The following STS variants were observed in gnomAD, a reference collection of about 807,000 sequenced individuals.
STS encodes steroid sulfatase.
In STS, 7 loss-of-function variants were observed where a neutral mutation model predicts 26.8. That is an observed-to-expected ratio of 0.26 (90% CI 0.15 to 0.49). The LOEUF (loss-of-function observed/expected upper bound fraction) is 0.49, where lower values mean the gene tolerates loss of function less well. Ranked by LOEUF, STS falls within the 20% of genes least tolerant of loss-of-function variation. The pLI is 0.98. For missense variants in STS, 434 were observed against 465.6 expected (o/e 0.93, Z 0.63); for synonymous variants, 199 against 189.4 (o/e 1.05, Z -0.42).
intron 2 of STS, among the ~76,000 whole-genome samples, chrX:7,251,880 G>T (rs750462054): frequency 1.8e-5 from 2 of 110,998 alleles, no homozygotes; most frequent in South Asian, 7.8e-4. Flanking sequence ...AGAATCGCTT[G>T]AGCCCAGGAG....
intron 10 of STS, among the ~76,000 whole-genome samples, chrX:7,345,969 G>A (rs367807869): frequency 2.7e-5 from 3 of 112,005 alleles, no homozygotes; most frequent in Non-Finnish European, 3.8e-5. Flanking sequence ...TGGCTGAGTC[G>A]CTGTAATACG....
intron 2 of STS, among the ~76,000 whole-genome samples, chrX:7,221,286 A>G (rs762895345): frequency 1.8e-5 from 2 of 112,449 alleles, no homozygotes; most frequent in African/African-American, 3.2e-5. Context: ...TCTGACGCAC[A>G]TGCCATTCCC....
In STS at chrX:7,297,548, T is replaced by A. The variant is rs753991255; in HGVS notation, c.944-7498T>A. Among the ~76,000 whole-genome samples, 294 of 112,120 alleles carry A rather than the reference T, an allele frequency of 2.6e-3. 1 individual carries two copies. Among genetic ancestry groups the A allele is most frequent in the Admixed American group, 7.2e-3 (76 of 10,510 alleles). On this transcript the variant is annotated intron_variant, in intron 7 of 10. Transcript: ENST00000674429. ...AACGATTAGGGATGTCTTCTTAACATGTTTTGAATGAAATTTTTATGTTAA... is the reference window on the plus strand; with the variant it reads ...AACGATTAGGGATGTCTTCTTAACAAGTTTTGAATGAAATTTTTATGTTAA...
At chrX:7,174,048 G>T (rs1034397273) in intron 1 of STS, among the ~76,000 whole-genome samples, 1 of 111,715 alleles carries the variant, frequency 9.0e-6, no homozygotes, top group Non-Finnish European at 1.9e-5. Flanking sequence ...CTCTGAGAAA[G>T]AAATGGATCA....
intron 6 of STS, among the ~76,000 whole-genome samples, chrX:7,263,805 A>G (rs1388907049): frequency 6.1e-5 from 6 of 97,960 alleles, no homozygotes; most frequent in African/African-American, 2.2e-4. Context: ...GTGTGTATAT[A>G]TGTGTGTGTG....
In STS at chrX:7,177,865, T is replaced by C. The variant is rs1170335289; in HGVS notation, c.-133-13015T>C. Among the ~76,000 whole-genome samples, 5 of 110,542 alleles carry C rather than the reference T, an allele frequency of 4.5e-5. No individual in the cohort carries two copies. In the South Asian group the frequency reaches 1.2e-3, roughly 26 times the overall value. Reference sequence around the variant, plus strand: ...GTCTCACTCTGTTGCCCAGGCTCAATTGTGGCTCACTGTAGCCTCAAACTC... The same window carrying C: ...GTCTCACTCTGTTGCCCAGGCTCAACTGTGGCTCACTGTAGCCTCAAACTC... On this transcript the variant is annotated intron_variant, in intron 1 of 10. Transcript: ENST00000674429.
At chrX:7,211,611 A>C (rs1921034515) in intron 2 of STS, among the ~76,000 whole-genome samples, 1 of 112,087 alleles carries the variant, frequency 8.9e-6, no homozygotes, top group Admixed American at 9.5e-5. Flanking sequence ...CCCCTTGTAG[A>C]AAGTTGCTCT....
At chrX:7,287,570 C>A (rs1453395160) in intron 7 of STS, among the ~76,000 whole-genome samples, 2 of 111,345 alleles carry the variant, frequency 1.8e-5, no homozygotes, top group Non-Finnish European at 3.8e-5. Context: ...GTCATTTTTC[C>A]ATTTCACCAT....
intron 1 of STS, among the ~76,000 whole-genome samples, chrX:7,161,549 T>G (rs1309079158): frequency 8.9e-6 from 1 of 112,066 alleles, no homozygotes; most frequent in African/African-American, 3.2e-5. Context: ...AGAGAGATGC[T>G]AAGAAATTCC....
chrX:7,178,330 A>G (rs1481060651), intron 1 of STS, among the ~76,000 whole-genome samples: 1 of 112,097 alleles, frequency 8.9e-6, no homozygotes, highest in Non-Finnish European at 1.9e-5. Flanking sequence ...TCTCTGTTCA[A>G]TGATGCTACC....
intron 2 of STS, among the ~76,000 whole-genome samples, chrX:7,206,648 A>G (rs1464685940): frequency 8.9e-6 from 1 of 111,849 alleles, no homozygotes; most frequent in Non-Finnish European, 1.9e-5. Context: ...TTTCATTCCA[A>G]ACCAACATAG....
chrX:7,332,368 A>G (rs747152888), intron 9 of STS, among the ~76,000 whole-genome samples: 33 of 109,288 alleles, frequency 3.0e-4, no homozygotes, highest in African/African-American at 1.1e-3. Flanking sequence ...TGATCTTAAG[A>G]CAGCAATTCC....
rs184894426 is a variant in STS, at chrX:7,230,722, G to A, written c.-4-22474G>A. ...CCCTTACAAAACCATGAGATCTCAT[G>A]AGAGCTCACTATCACAAGAACAGCA... On this transcript the variant is annotated intron_variant, in intron 2 of 10. Transcript: ENST00000674429. Among the ~76,000 whole-genome samples the A allele has an allele frequency of 5.1e-3, 564 of 111,078 alleles. 5 individuals are homozygous for A. The highest frequency in any genetic ancestry group is 8.4e-3 in the Non-Finnish European group (443 of 52,983).
At position 7,247,833 on chromosome X, in the gene STS, C is replaced by G. The variant is rs59108360; in HGVS notation, c.-4-5363C>G. Among the ~76,000 whole-genome samples, 578 of 111,825 alleles carry G rather than the reference C, an allele frequency of 5.2e-3. 2 individuals are homozygous for G. The highest frequency in any genetic ancestry group is 0.018 in the African/African-American group (542 of 30,782). ...CAGGCCCCTACACTAACAAATCATC[C>G]GTCCCCAAATGTCAATAGTGCAGAG... On this transcript the variant is annotated intron_variant, in intron 2 of 10. Transcript: ENST00000674429.
chrX:7,204,410 A>G (rs775113859), intron 2 of STS, among the ~76,000 whole-genome samples: 1 of 110,600 alleles, frequency 9.0e-6, no homozygotes, highest in South Asian at 3.8e-4. Flanking sequence ...CTCATTCATC[A>G]TTTGTCTTTT....
At chrX:7,214,391 T>A (rs1487387995) in intron 2 of STS, among the ~76,000 whole-genome samples, 3 of 112,020 alleles carry the variant, frequency 2.7e-5, no homozygotes, top group African/African-American at 9.7e-5. Context: ...TAATCACAGT[T>A]GAAACTGGCT....
chrX:7,190,889 G>T lies in STS; in HGVS notation c.-124G>T, dbSNP rs1002000394. The T allele has an allele frequency of 2.3e-6, 1 of 444,380 alleles. No homozygotes were observed. The highest frequency in any genetic ancestry group is 2.8e-6 in the Non-Finnish European group (1 of 357,651). 36.6% of individuals were successfully genotyped at this position (444,380 alleles called of 1,213,427 possible). On this transcript the variant is annotated 5_prime_UTR_variant, in exon 2 of 11. Coordinates refer to ENST00000674429, the MANE Select transcript of STS (RefSeq NM_001320752.2). ...TTGAATGAATTCACAGGAAGAGCCC[G>T]ATGCCCTTGGTTTGACTCTACTAAG...
intron 10 of STS, among the ~76,000 whole-genome samples, chrX:7,349,534 G>A (rs1194517280): frequency 1.9e-5 from 2 of 105,982 alleles, no homozygotes; most frequent in Admixed American, 1.0e-4. Flanking sequence ...ACGGGGTTTC[G>A]CCATGTTGGC....
chrX:7,222,657 C>T (rs1921627133), intron 2 of STS, among the ~76,000 whole-genome samples: 1 of 110,816 alleles, frequency 9.0e-6, no homozygotes. Flanking sequence ...ACAGAAACTA[C>T]TGCCCTAAAT....
Sources: gnomAD v4.1 joint callset for allele counts (sites outside exome capture counted in the v4.1 genomes callset) on GRCh38, gnomAD v4.1.1 for gene constraint, MANE v1.5 for transcripts, NCBI Gene and HGNC (gene_info 2026-07-23, HGNC 2026-07-21) for gene names.